RPS6KA5: variants seen among roughly 807,000 people sequenced by gnomAD.
RPS6KA5 encodes ribosomal protein S6 kinase A5.
Under a neutral mutation model 85.5 loss-of-function variants are expected in RPS6KA5, and 27 were observed. The ratio of observed to expected loss-of-function variants is 0.32; its 90% CI spans 0.23 to 0.44. RPS6KA5 has a LOEUF of 0.44. RPS6KA5 is among the 20% of genes least tolerant of loss of function. The pLI, the probability that RPS6KA5 is intolerant of heterozygous loss-of-function variation, is 1.00. For synonymous variants in RPS6KA5, 334 were observed against 348.2 expected (o/e 0.96, Z 0.46); for missense variants, 811 against 980.9 (o/e 0.83, Z 2.31).
intron 9 of RPS6KA5, among the ~76,000 whole-genome samples, chr14:90,901,981 G>C (rs541471789): frequency 3.3e-5 from 5 of 151,202 alleles, no homozygotes; most frequent in Non-Finnish European, 7.4e-5. Context: ...CAGAGTTCAA[G>C]ACCAGCTTAG....
At chr14:90,882,790 T>C (rs960230839) in intron 14 of RPS6KA5, among the ~76,000 whole-genome samples, 9 of 151,890 alleles carry the variant, frequency 5.9e-5, no homozygotes, top group Admixed American at 5.9e-4. Flanking sequence ...GGAATTGCTT[T>C]TCTCTTGTTG....
At chr14:91,044,603 G>A (rs886322268) in intron 1 of RPS6KA5, among the ~76,000 whole-genome samples, 1 of 152,108 alleles carries the variant, frequency 6.6e-6, no homozygotes, top group African/African-American at 2.4e-5. Flanking sequence ...GCTGGGTGCG[G>A]TGGCTCACGC....
Position 90,855,507 on chromosome 14 carries a change from GGCTCACTGCAACCTCT to G in RPS6KA5, c.*16551_*16566del, listed in dbSNP as rs1456149876. ...GGCTGGAGTGCAATGGCGTGATCTC[GGCTCACTGCAACCTCT>G]GCTTCCTGGGTTCAAGAGAGTATCC... is the stretch of plus-strand genomic sequence containing the variant. On this transcript the variant is annotated 3_prime_UTR_variant, in exon 17 of 17. Transcript: ENST00000614987. 1 of 152,138 alleles carries G rather than the reference GGCTCACTGCAACCTCT, an allele frequency of 6.6e-6. No individual in the cohort carries two copies. Among genetic ancestry groups the G allele is most frequent in the Non-Finnish European group, 1.5e-5 (1 of 68,120 alleles). 9.4% of individuals were successfully genotyped at this position (152,138 alleles called of 1,614,324 possible).
rs887789774 is a variant in RPS6KA5 at position 90,871,483 on chromosome 14, T to G, written c.*591A>C. 4 of 147,874 alleles carry G rather than the reference T, an allele frequency of 2.7e-5. No individual in the cohort carries two copies. The highest frequency in any genetic ancestry group is 1.0e-4 in the African/African-American group (4 of 38,646). 9.2% of individuals were successfully genotyped at this position (147,874 alleles called of 1,614,324 possible). ...TACAGAGTATGGGACCTTGAGTTCTTATATCTTTTTTTTTTTTTTTCACTT... is the reference window on the plus strand; with the variant it reads ...TACAGAGTATGGGACCTTGAGTTCTGATATCTTTTTTTTTTTTTTTCACTT... On this transcript the variant is annotated 3_prime_UTR_variant, in exon 17 of 17. Transcript: ENST00000614987.
intron 1 of RPS6KA5, among the ~76,000 whole-genome samples, chr14:91,033,466 G>A (rs975663191): frequency 2.6e-5 from 4 of 152,068 alleles, no homozygotes; most frequent in Non-Finnish European, 5.9e-5. Flanking sequence ...GCTGGGTGTG[G>A]TGGTGCATGC....
rs1758120271 is a variant in RPS6KA5, at chr14:90,855,223, T to C, written c.*16851A>G. The C allele has an allele frequency of 6.6e-6, 1 of 152,218 alleles. No individual in the cohort carries two copies. The highest frequency in any genetic ancestry group is 2.1e-4 in the South Asian group (1 of 4,832). 9.4% of individuals were successfully genotyped at this position (152,218 alleles called of 1,614,324 possible). A position where few individuals can be genotyped will look rare whatever the true frequency, so the allele number is the denominator to read the frequency against. On this transcript the variant is annotated 3_prime_UTR_variant, in exon 17 of 17. Coordinates refer to ENST00000614987, the MANE Select transcript of RPS6KA5 (RefSeq NM_004755.4). The stretch of plus-strand genomic sequence containing the variant: ...CTGACTACTTAGTAAAATGGCAAAA[T>C]CATGAATGGCATTAATTTTCTGCTA...
At chr14:91,047,047 CAAAAAAA>C (rs34036525) in intron 1 of RPS6KA5, among the ~76,000 whole-genome samples, 2 of 100,426 alleles carry the variant, frequency 2.0e-5, no homozygotes, top group African/African-American at 6.4e-5. Flanking sequence ...ACCCTGTCTC[CAAAAAAA>C]AAAAAAAAAG....
At chr14:90,962,945 G>A (rs2140426338) in intron 3 of RPS6KA5, among the ~76,000 whole-genome samples, 1 of 152,186 alleles carries the variant, frequency 6.6e-6, no homozygotes, top group East Asian at 1.9e-4. Context: ...CAGTATAATT[G>A]TAAATATCAG....
intron 14 of RPS6KA5, among the ~76,000 whole-genome samples, chr14:90,885,431 T>C (rs1317990472): frequency 6.7e-6 from 1 of 148,402 alleles, no homozygotes; most frequent in Non-Finnish European, 1.5e-5. Flanking sequence ...CGGGCGCCTG[T>C]AGTCCCAGCT....
At chr14:90,938,026 C>T (rs2037368548) in intron 5 of RPS6KA5, among the ~76,000 whole-genome samples, 2 of 152,156 alleles carry the variant, frequency 1.3e-5, no homozygotes, top group Admixed American at 6.5e-5. Context: ...TGAGACAAGG[C>T]AAGTCTCTTC....
chr14:90,888,350 G>C (rs993298995), intron 14 of RPS6KA5, among the ~76,000 whole-genome samples: 34 of 152,106 alleles, frequency 2.2e-4, no homozygotes, highest in African/African-American at 7.2e-4. Context: ...TTGGCCTTTA[G>C]CAAGAGAAAA....
At position 90,855,621 on chromosome 14, in the gene RPS6KA5, T is replaced by TG; in HGVS notation, c.*16452_*16453insC. On this transcript the variant is annotated 3_prime_UTR_variant, in exon 17 of 17. Coordinates refer to ENST00000614987, the MANE Select transcript of RPS6KA5 (RefSeq NM_004755.4). ...CCCAGCTAATTTTTGTATTTTTTTT[T>TG]TTTTGAGACAGAGTCTTGCTCTGTT... The TG allele has an allele frequency of 6.7e-6, 1 of 149,942 alleles. No individual in the cohort carries two copies. Among genetic ancestry groups the TG allele is most frequent in the Non-Finnish European group, 1.5e-5 (1 of 67,162 alleles). 9.3% of individuals were successfully genotyped at this position (149,942 alleles called of 1,614,324 possible). A position where few individuals can be genotyped will look rare whatever the true frequency, so the allele number is the denominator to read the frequency against.
At chr14:91,022,642 T>C (rs1566875634) in intron 1 of RPS6KA5, among the ~76,000 whole-genome samples, 2 of 152,202 alleles carry the variant, frequency 1.3e-5, no homozygotes. Flanking sequence ...TCTGATTCTG[T>C]TTCTGTGTGT....
At position 90,899,394 on chromosome 14, in the gene RPS6KA5, T is replaced by C; in HGVS notation, c.1408A>G (p.Thr470Ala). 2.5e-6 allele frequency: 4 copies of C among 1,613,650 alleles called. No individual in the cohort carries two copies. Among genetic ancestry groups the C allele is most frequent in the South Asian group, 1.1e-5 (1 of 91,042 alleles). Residue 470 changes from threonine to alanine, a missense_variant, in exon 12 of 17, where the codon ACA becomes GCA. This residue lies in a region of RPS6KA5 where 650 missense variants were observed against 793.4 expected (regional missense o/e 0.82). Transcript: ENST00000614987. Reference sequence around the variant, plus strand: ...TGTCCTTCACAGAGTTTCAGAGCTGTTATTTCCTTTTGAGTATTGGCTTCC... The same window carrying C: ...TGTCCTTCACAGAGTTTCAGAGCTGCTATTTCCTTTTGAGTATTGGCTTCC... ...RMEANTQKEITALKLCEGHPN... is the reference protein window; with the variant it reads ...RMEANTQKEIAALKLCEGHPN...
intron 2 of RPS6KA5, among the ~76,000 whole-genome samples, chr14:90,997,427 G>A (rs897057360): frequency 5.3e-5 from 8 of 152,070 alleles, no homozygotes; most frequent in East Asian, 1.9e-4. Flanking sequence ...GTTGCCTAGG[G>A]TGGAGTACAG....
chr14:90,881,348 G>A (rs1331604093), intron 14 of RPS6KA5, among the ~76,000 whole-genome samples: 2 of 151,244 alleles, frequency 1.3e-5, no homozygotes, highest in Admixed American at 6.6e-5. Flanking sequence ...AGCTACTTGG[G>A]AGGCTGAGGC....
chr14:91,056,084 G>A (rs1446592079), intron 1 of RPS6KA5, among the ~76,000 whole-genome samples: 1 of 152,084 alleles, frequency 6.6e-6, no homozygotes, highest in Non-Finnish European at 1.5e-5. Flanking sequence ...GAACCAATAA[G>A]CTAAGCCACT....
chr14:90,918,255 G>C (rs1381562893), intron 7 of RPS6KA5, among the ~76,000 whole-genome samples: 1 of 152,116 alleles, frequency 6.6e-6, no homozygotes, highest in East Asian at 1.9e-4. Flanking sequence ...TTTCATTGAT[G>C]TTTTAATTTG....
chr14:91,041,650 T>A (rs2042609087), intron 1 of RPS6KA5, among the ~76,000 whole-genome samples: 1 of 152,208 alleles, frequency 6.6e-6, no homozygotes, highest in Non-Finnish European at 1.5e-5. Context: ...AACTGCCAGG[T>A]GCTAAGCTAT....
Sources: gnomAD v4.1 joint callset for allele counts (sites outside exome capture counted in the v4.1 genomes callset) on GRCh38, gnomAD v4.1.1 for gene constraint, gnomAD v4.1.1 regional missense constraint, MANE v1.5 for transcripts, NCBI Gene and HGNC (gene_info 2026-07-23, HGNC 2026-07-21) for gene names.